Variants in IQGAP2 observed in about 807,000 individuals in gnomAD.
The protein encoded by IQGAP2 is IQ motif containing GTPase activating protein 2.
Under a neutral mutation model 201.3 loss-of-function variants are expected in IQGAP2, and 173 were observed. That is an observed-to-expected ratio of 0.86 (90% CI 0.76 to 0.98). The LOEUF is 0.98. Ranked by LOEUF, IQGAP2 falls within the 50% of genes least tolerant of loss-of-function variation. The probability of loss-of-function intolerance (pLI) is 0.00; values close to 1 mark genes in which losing one functional copy is unlikely to be tolerated. For missense variants in IQGAP2, 1,687 were observed against 1,864.8 expected (o/e 0.90, Z 1.76); for synonymous variants, 675 against 673.9 (o/e 1.00, Z -0.03).
chr5:76,452,404 G>T (rs1372976586), intron 1 of IQGAP2, among the ~76,000 whole-genome samples: 1 of 151,966 alleles, frequency 6.6e-6, no homozygotes. Flanking sequence ...CCCCAGGAAG[G>T]GGGACAGCCC....
chr5:76,608,095 A>G (rs944435171), intron 12 of IQGAP2: 16 of 152,232 alleles, frequency 1.1e-4, no homozygotes, highest in Admixed American at 2.6e-4. Flanking sequence ...CTGGGGGGAA[A>G]AAAAGCAAGT....
intron 1 of IQGAP2, among the ~76,000 whole-genome samples, chr5:76,457,319 TGAAGA>T (rs1580233426): frequency 1.3e-5 from 2 of 152,166 alleles, no homozygotes; most frequent in African/African-American, 4.8e-5. Context: ...TGCTTTTCCT[TGAAGA>T]GAAACACCCT....
At chr5:76,592,390 G>T (rs1746720970) in intron 8 of IQGAP2, among the ~76,000 whole-genome samples, 1 of 152,070 alleles carries the variant, frequency 6.6e-6, no homozygotes, top group South Asian at 2.1e-4. Context: ...CATTGATTAT[G>T]ATCTCTTTGC....
chr5:76,493,712 T>C (rs1035332316), intron 2 of IQGAP2, among the ~76,000 whole-genome samples: 1 of 152,230 alleles, frequency 6.6e-6, no homozygotes, highest in African/African-American at 2.4e-5. Context: ...TTTAACGATG[T>C]GTCTCAAATG....
At chr5:76,590,695 C>A in intron 8 of IQGAP2, 109 bp downstream of exon 8, 2 of 800,086 alleles carry the variant, frequency 2.5e-6, no homozygotes, top group Non-Finnish European at 1.9e-6. Context: ...GCTATTTTCT[C>A]TATAGCCGTA....
intron 16 of IQGAP2, among the ~76,000 whole-genome samples, chr5:76,640,158 CAT>C (rs1015828667): frequency 6.6e-6 from 1 of 152,144 alleles, no homozygotes; most frequent in Non-Finnish European, 1.5e-5. Context: ...TGAATGCATA[CAT>C]ATATGTCTTC....
At chr5:76,586,752 G>T (rs1363291931) in intron 5 of IQGAP2, among the ~76,000 whole-genome samples, 1 of 152,242 alleles carries the variant, frequency 6.6e-6, no homozygotes, top group African/African-American at 2.4e-5. Flanking sequence ...CAGAAGAGAG[G>T]TAGCTGGGAT....
chr5:76,621,847 C>G (rs553121440), intron 13 of IQGAP2, among the ~76,000 whole-genome samples: 2 of 152,134 alleles, frequency 1.3e-5, no homozygotes, highest in African/African-American at 4.8e-5. Flanking sequence ...AAATGTTTTT[C>G]TATCCGGGAA....
chr5:76,580,216 C>A (rs556445375), intron 5 of IQGAP2, among the ~76,000 whole-genome samples: 94 of 151,272 alleles, frequency 6.2e-4, no homozygotes, highest in Middle Eastern at 3.4e-3. Flanking sequence ...GCGGAGGTTG[C>A]AGTGAGCTGA....
intron 11 of IQGAP2, among the ~76,000 whole-genome samples, chr5:76,602,073 G>T (rs190433361): frequency 2.0e-5 from 3 of 152,038 alleles, no homozygotes; most frequent in African/African-American, 7.2e-5. Flanking sequence ...GGGCACCCTC[G>T]TGCTCTAAAG....
intron 1 of IQGAP2, among the ~76,000 whole-genome samples, chr5:76,429,341 G>A (rs930008086): frequency 6.6e-6 from 1 of 151,644 alleles, no homozygotes; most frequent in African/African-American, 2.4e-5. Flanking sequence ...GGGAGGCTGA[G>A]GTGGGCAGAT....
Position 76,656,207 on chromosome 5 carries a change from GTTTGTTT to G in IQGAP2, c.2320+1222_2320+1228del, listed in dbSNP as rs1480640919. On this transcript the variant is annotated intron_variant, in intron 20 of 35. Coordinates refer to ENST00000274364, the MANE Select transcript of IQGAP2 (RefSeq NM_006633.5). ...TTGGGGTTTTTTGTTGGTTTTTTTT[GTTTGTTT>G]TTTGTTTTTTGTTTTTTTTTTTTCT... Among the ~76,000 whole-genome samples the G allele has an allele frequency of 2.0e-4, 28 of 139,636 alleles. 2 individuals are homozygous for G. In the South Asian group the frequency reaches 4.7e-3, roughly 24 times the overall value. The allele number at this position is 139,636 out of a possible 152,430, so 91.6% of individuals were successfully genotyped here.
intron 1 of IQGAP2, among the ~76,000 whole-genome samples, chr5:76,432,577 G>A (rs1362656995): frequency 6.6e-6 from 1 of 152,172 alleles, no homozygotes; most frequent in Non-Finnish European, 1.5e-5. Flanking sequence ...GTGTTGTATG[G>A]TAACCTGATC....
intron 2 of IQGAP2, among the ~76,000 whole-genome samples, chr5:76,506,766 C>T (rs1231329021): frequency 6.6e-6 from 1 of 152,204 alleles, no homozygotes; most frequent in African/African-American, 2.4e-5. Context: ...AACACACTTA[C>T]ATCAACACCC....
At chr5:76,429,910 A>G (rs1752271403) in intron 1 of IQGAP2, among the ~76,000 whole-genome samples, 1 of 149,908 alleles carries the variant, frequency 6.7e-6, no homozygotes, top group Non-Finnish European at 1.5e-5. Context: ...TTTCATTTGT[A>G]TAGGATTTAG....
At chr5:76,692,122 T>C (rs1299350455) in intron 30 of IQGAP2, among the ~76,000 whole-genome samples, 1 of 152,210 alleles carries the variant, frequency 6.6e-6, no homozygotes, top group Non-Finnish European at 1.5e-5. Flanking sequence ...GTGTTTCCTT[T>C]TCTTCTTTCT....
At chr5:76,469,010 T>C (rs147864012) in intron 2 of IQGAP2, among the ~76,000 whole-genome samples, 1 of 152,342 alleles carries the variant, frequency 6.6e-6, no homozygotes, top group African/African-American at 2.4e-5. Flanking sequence ...CTAAGGAGGT[T>C]TGATTATGCT....
Position 76,668,687 on chromosome 5 carries a change from C to A in IQGAP2, c.2686C>A (p.Pro896Thr). Residue 896 changes from proline (P) to threonine (T), a missense_variant, in exon 23 of 36, where the codon CCT becomes ACT. By Grantham distance (38) the Pro-to-Thr change is conservative (BLOSUM62 -1). Transcript: ENST00000274364. The part of the protein sequence containing the change: ...QQLFYLLQTN[P>T]LYLAKLIFQM... ...TTTCCTTCTTTCCTTCTAGACCAAC[C>A]CTTTATACTTGGCTAAGCTGATTTT... 3 of 1,608,170 alleles carry A rather than the reference C, an allele frequency of 1.9e-6. No individual in the cohort carries two copies. The highest frequency in any genetic ancestry group is 1.1e-5 in the South Asian group (1 of 89,230).
chr5:76,478,483 A>G (rs1242098622), intron 2 of IQGAP2, among the ~76,000 whole-genome samples: 1 of 152,136 alleles, frequency 6.6e-6, no homozygotes, highest in East Asian at 1.9e-4. Context: ...AGGGCTTCAC[A>G]TTCACTATCC....
Sources: gnomAD v4.1 joint callset for allele counts (sites outside exome capture counted in the v4.1 genomes callset) on GRCh38, gnomAD v4.1.1 for gene constraint, MANE v1.5 for transcripts, NCBI Gene and HGNC (gene_info 2026-07-23, HGNC 2026-07-21) for gene names.